The following CANX variants were observed in gnomAD, a reference collection of about 807,000 sequenced individuals.
CANX encodes the protein calnexin, also known as epididymis secretory sperm binding protein.
Under a neutral mutation model 75.7 loss-of-function variants are expected in CANX, and 14 were observed. The ratio of observed to expected loss-of-function variants is 0.19; its 90% CI spans 0.12 to 0.29. The LOEUF (loss-of-function observed/expected upper bound fraction) is 0.29, where lower values mean the gene tolerates loss of function less well. Among genes scored for constraint, CANX ranks in the 10% least tolerant of loss-of-function variants. The pLI, the probability that CANX is intolerant of heterozygous loss-of-function variation, is 1.00. For synonymous variants in CANX, 227 were observed against 236.9 expected (o/e 0.96, Z 0.38); for missense variants, 567 against 713.2 (o/e 0.79, Z 2.34).
upstream of CANX, among the ~76,000 whole-genome samples, chr5:179,697,191 T>C (rs1776426351): frequency 6.6e-6 from 1 of 152,146 alleles, no homozygotes; most frequent in Non-Finnish European, 1.5e-5. Flanking sequence ...CTTCCTAGTA[T>C]CTGGGTCTAC....
chr5:179,708,081 C>T (rs955091999), intron 4 of CANX, among the ~76,000 whole-genome samples, 158 bp from the exon 5 acceptor site: 3 of 152,098 alleles, frequency 2.0e-5, no homozygotes, highest in Non-Finnish European at 4.4e-5. Flanking sequence ...GAGTGATCCG[C>T]CTGCCCTCAG....
In CANX at chr5:179,731,487, AAGC is replaced by A. The variant is rs1473452972; in HGVS notation, c.*2846_*2848del. On this transcript the variant is annotated 3_prime_UTR_variant, in exon 15 of 15. Coordinates refer to ENST00000247461, the MANE Select transcript of CANX (RefSeq NM_001746.4). Reference sequence around the variant, plus strand: ...ATTTGTTTGAATGCTAAAAAAAAAAAAGCAGGACTGCATTATGGCACTTTTGCC... The same window carrying A: ...ATTTGTTTGAATGCTAAAAAAAAAAAAGGACTGCATTATGGCACTTTTGCC... 3.3e-5 allele frequency among the ~76,000 whole-genome samples: 5 copies of A among 152,052 alleles called. No homozygotes were observed. Among genetic ancestry groups the A allele is most frequent in the Non-Finnish European group, 5.9e-5 (4 of 68,008 alleles).
rs1777334171 is a variant in CANX, at chr5:179,708,908, G to C, written c.447-70G>C. ...AAACGTGACTAAGATGAGGGAGAGA[G>C]GAAATACATTAAGAGAGTTTCGATC... is the stretch of plus-strand genomic sequence containing the variant. On this transcript the variant is annotated intron_variant, in intron 5 of 14. Coordinates refer to ENST00000247461, the MANE Select transcript of CANX (RefSeq NM_001746.4). 45 of 799,094 alleles carry C rather than the reference G, an allele frequency of 5.6e-5. No individual in the cohort carries two copies. In the South Asian group the frequency reaches 6.2e-4, roughly 11 times the overall value. The allele number at this position is 799,094 out of a possible 1,614,324, so 49.5% of individuals were successfully genotyped here.
intron 10 of CANX, among the ~76,000 whole-genome samples, chr5:179,721,682 T>C (rs957309800): frequency 6.6e-6 from 1 of 152,292 alleles, no homozygotes; most frequent in South Asian, 2.1e-4. Flanking sequence ...TTAGGCCTCA[T>C]GCAAAAATGT....
At chr5:179,726,807 T>C (rs1229774448) in intron 14 of CANX, 48 bp downstream of exon 14, 20 of 1,351,150 alleles carry the variant, frequency 1.5e-5, no homozygotes, top group Non-Finnish European at 2.1e-5. Flanking sequence ...TGAAGGTACA[T>C]TTATGTAAAG....
At position 179,719,573 on chromosome 5, in the gene CANX, A is replaced by C. The variant is rs926210629; in HGVS notation, c.912-95A>C. ...GAATTATTTTAAATTTTGAGATTAA[A>C]AACAAATTTTTTTAGAATACTCTGT... On this transcript the variant is annotated intron_variant, in intron 8 of 14. Coordinates refer to ENST00000247461, the MANE Select transcript of CANX (RefSeq NM_001746.4). 21 of 580,418 alleles carry C rather than the reference A, an allele frequency of 3.6e-5. No homozygotes were observed. In the Admixed American group the frequency reaches 4.9e-4, roughly 14 times the overall value. The allele number at this position is 580,418 out of a possible 1,614,324, so 36.0% of individuals were successfully genotyped here. A position where few individuals can be genotyped will look rare whatever the true frequency, so the allele number is the denominator to read the frequency against.
chr5:179,698,809 A>T, upstream of CANX: 1 of 681,122 alleles, frequency 1.5e-6, no homozygotes, highest in South Asian at 1.7e-5. Flanking sequence ...GAATAGCCGT[A>T]GGGGGCGTAT....
upstream of CANX, among the ~76,000 whole-genome samples, chr5:179,695,908 G>A (rs934217993): frequency 4.4e-4 from 66 of 151,616 alleles, no homozygotes; most frequent in African/African-American, 1.6e-3. Flanking sequence ...AAAGTGCTGG[G>A]ATTACAGGCG....
At chr5:179,703,418 A>G (rs1035862760) in intron 1 of CANX, among the ~76,000 whole-genome samples, 1 of 151,022 alleles carries the variant, frequency 6.6e-6, no homozygotes, top group Non-Finnish European at 1.5e-5. Flanking sequence ...GAGTTTCATC[A>G]TGTTTCCCTG....
chr5:179,710,715 A>G (rs970294562), intron 7 of CANX, among the ~76,000 whole-genome samples: 1 of 140,310 alleles, frequency 7.1e-6, no homozygotes, highest in East Asian at 2.1e-4. Flanking sequence ...CTCAAAAAAA[A>G]AAAAAAAAGA....
chr5:179,699,038 G>C lies in CANX; in HGVS notation c.-68G>C. On this transcript the variant is annotated 5_prime_UTR_variant, in exon 1 of 15. Coordinates refer to ENST00000247461, the MANE Select transcript of CANX (RefSeq NM_001746.4). Reference sequence around the variant, plus strand: ...CGCCTCCGCCTCTCTCTTTACTGCGGCGCGGGGCAAGGTGTGCGGGCGGGA... The same window carrying C: ...CGCCTCCGCCTCTCTCTTTACTGCGCCGCGGGGCAAGGTGTGCGGGCGGGA... 1 of 1,115,266 alleles carries C rather than the reference G, an allele frequency of 9.0e-7. No individual in the cohort carries two copies. Among genetic ancestry groups the C allele is most frequent in the Non-Finnish European group, 1.1e-6 (1 of 906,068 alleles). The allele number at this position is 1,115,266 out of a possible 1,614,324, so 69.1% of individuals were successfully genotyped here. A position where few individuals can be genotyped will look rare whatever the true frequency, so the allele number is the denominator to read the frequency against.
At chr5:179,690,119 G>T (rs1376734658) in intron 1 of CANX, among the ~76,000 whole-genome samples, 1 of 152,210 alleles carries the variant, frequency 6.6e-6, no homozygotes, top group African/African-American at 2.4e-5. Context: ...GGGTGTGAAT[G>T]TCAGTGGGTC....
chr5:179,686,184 A>G (rs1581816792), intron 1 of CANX, among the ~76,000 whole-genome samples: 1 of 138,746 alleles, frequency 7.2e-6, no homozygotes, highest in Non-Finnish European at 1.5e-5. Context: ...TGCAACCTCC[A>G]CCTCCCGAGT....
intron 4 of CANX, among the ~76,000 whole-genome samples, chr5:179,707,605 A>AT (rs1177946391): frequency 7.5e-6 from 1 of 133,392 alleles, no homozygotes; most frequent in East Asian, 2.3e-4. Flanking sequence ...AAAAAAAAAG[A>AT]TTTTTCCATG....
At chr5:179,698,526 C>T, upstream of CANX, 1 of 1,289,434 alleles carries the variant, frequency 7.8e-7, no homozygotes, top group Non-Finnish European at 1.0e-6. Context: ...GACTCCTACC[C>T]CTTTTGCCGG....
At position 179,722,961 on chromosome 5, in the gene CANX, T is replaced by C. The variant is rs1175007698; in HGVS notation, c.1340T>C (p.Val447Ala). The C allele has an allele frequency of 6.2e-7, 1 of 1,613,990 alleles. No homozygotes were observed. The highest frequency in any genetic ancestry group is 8.5e-7 in the Non-Finnish European group (1 of 1,180,020). The stretch of plus-strand genomic sequence containing the variant: ...ATCATTTGTGCTGATCGAAGAATAG[T>C]TGATGATTGGGCCAATGATGGATGG... The part of the protein sequence containing the change: ...NFIICADRRI[V>A]DDWANDGWGL... The change falls in exon 11 of 15, where the codon GTT becomes GCT. Residue 447 changes from valine (V) to alanine (A), a missense_variant. Around this residue, in one of 3 missense-constraint regions of CANX, gnomAD observed 167 missense variants for 179.3 expected, o/e 0.93. Transcript: ENST00000247461.
At chr5:179,703,134 A>C (rs1776879986) in intron 1 of CANX, among the ~76,000 whole-genome samples, 1 of 151,950 alleles carries the variant, frequency 6.6e-6, no homozygotes, top group Non-Finnish European at 1.5e-5. Context: ...GCTGGTCTCG[A>C]ATTCCTGACC....
chr5:179,718,821 C>A (rs1778128570), intron 8 of CANX, among the ~76,000 whole-genome samples: 1 of 151,728 alleles, frequency 6.6e-6, no homozygotes, highest in Non-Finnish European at 1.5e-5. Context: ...AGCCACTACA[C>A]CTGGCTTAAT....
At chr5:179,685,766 G>A (rs566938085) in intron 1 of CANX, among the ~76,000 whole-genome samples, 1 of 151,932 alleles carries the variant, frequency 6.6e-6, no homozygotes, top group South Asian at 2.1e-4. Flanking sequence ...TGTTGGCAAG[G>A]CTGGTCTCAA....
Sources: gnomAD v4.1 joint callset for allele counts (sites outside exome capture counted in the v4.1 genomes callset) on GRCh38, gnomAD v4.1.1 for gene constraint, gnomAD v4.1.1 regional missense constraint, MANE v1.5 for transcripts, NCBI Gene and HGNC (gene_info 2026-07-23, HGNC 2026-07-21) for gene names.